NEK11: variants seen among roughly 807,000 people sequenced by gnomAD.
NEK11 encodes the protein serine/threonine-protein kinase Nek11.
Under a neutral mutation model 80.7 loss-of-function variants are expected in NEK11, and 72 were observed. The observed-to-expected ratio is 0.89, with a 90% CI of 0.74 to 1.08. The LOEUF is 1.08. NEK11 is among the 50% of genes least tolerant of loss of function. The probability of loss-of-function intolerance (pLI) is 0.00; values close to 1 mark genes in which losing one functional copy is unlikely to be tolerated. For missense variants in NEK11, 764 were observed against 763.6 expected (o/e 1.00, Z -0.01); for synonymous variants, 251 against 260.7 (o/e 0.96, Z 0.36).
Position 131,273,364 on chromosome 3 carries a change from G to A in NEK11, c.1622-114G>A, listed in dbSNP as rs531686825. ...ATTGAATTCATCTCTAATTAATGTA[G>A]CATTACCATGTGGCAAAGGTGGATT... is the stretch of plus-strand genomic sequence containing the variant. On this transcript the variant is annotated intron_variant, in intron 16 of 17. Transcript: ENST00000383366. 3.5e-4 allele frequency: 237 copies of A among 681,422 alleles called. 5 individuals carry two copies. The Admixed American group carries it at 5.2e-3, about 15-fold the overall frequency. The allele number at this position is 681,422 out of a possible 1,614,324, so 42.2% of individuals were successfully genotyped here.
At chr3:131,089,437 A>T (rs1285696751) in intron 4 of NEK11, among the ~76,000 whole-genome samples, 1 of 151,846 alleles carries the variant, frequency 6.6e-6, no homozygotes, top group African/African-American at 2.4e-5. Flanking sequence ...CTTTTTCATT[A>T]TTTTATTTTG....
At chr3:131,064,490 C>G (rs894821404) in intron 3 of NEK11, among the ~76,000 whole-genome samples, 3 of 151,868 alleles carry the variant, frequency 2.0e-5, no homozygotes, top group African/African-American at 7.3e-5. Flanking sequence ...CTCTGCTGGC[C>G]TCATTTTAAC....
In NEK11 at chr3:131,152,702, A is replaced by T; in HGVS notation, c.869A>T (p.Gln290Leu). ...EILKIPYLDE[Q>L]LQNLMCRYSE... ...TTAAAAATCCCTTACCTTGATGAGC[A>T]GCTACAGGTATTTAAAATGAAAGGG... is the stretch of plus-strand genomic sequence containing the variant. The change falls in exon 9 of 18, where the codon CAG (glutamine) becomes CTG (leucine). Residue 290 changes from glutamine (Q) to leucine (L), a missense_variant. Transcript: ENST00000383366. The T allele has an allele frequency of 6.2e-7, 1 of 1,606,084 alleles. No individual in the cohort carries two copies. Among genetic ancestry groups the T allele is most frequent in the Non-Finnish European group, 8.5e-7 (1 of 1,173,484 alleles).
At chr3:131,107,516 G>A (rs1207262743) in intron 4 of NEK11, among the ~76,000 whole-genome samples, 1 of 152,038 alleles carries the variant, frequency 6.6e-6, no homozygotes, top group Non-Finnish European at 1.5e-5. Flanking sequence ...ATGGCAACAT[G>A]TAGGCAATAG....
chr3:131,308,896 C>T (rs2096749248), intron 17 of NEK11, among the ~76,000 whole-genome samples: 1 of 152,176 alleles, frequency 6.6e-6, no homozygotes, highest in African/African-American at 2.4e-5. Flanking sequence ...CTATCTCAGA[C>T]CACCAGGTAT....
At chr3:131,139,445 G>C (rs1428877131) in intron 7 of NEK11, among the ~76,000 whole-genome samples, 1 of 151,658 alleles carries the variant, frequency 6.6e-6, no homozygotes, top group African/African-American at 2.4e-5. Context: ...TAAAGAGGAA[G>C]TGGAGAAACA....
At chr3:131,345,717 A>C (rs2097352885) in intron 17 of NEK11, among the ~76,000 whole-genome samples, 1 of 152,186 alleles carries the variant, frequency 6.6e-6, no homozygotes, top group Non-Finnish European at 1.5e-5. Context: ...CCACCCCATA[A>C]AGATATCTCC....
At chr3:131,313,197 C>T (rs1013378507) in intron 17 of NEK11, among the ~76,000 whole-genome samples, 2 of 152,130 alleles carry the variant, frequency 1.3e-5, no homozygotes, top group Non-Finnish European at 2.9e-5. Context: ...TGTATATGTA[C>T]CACATTTTCT....
intron 17 of NEK11, among the ~76,000 whole-genome samples, chr3:131,287,643 G>A (rs895142875): frequency 1.3e-5 from 2 of 152,100 alleles, no homozygotes; most frequent in South Asian, 4.2e-4. Flanking sequence ...AATTATAAGA[G>A]TATCTCAGAA....
chr3:131,180,714 C>A (rs908988407), intron 14 of NEK11, among the ~76,000 whole-genome samples: 1 of 152,128 alleles, frequency 6.6e-6, no homozygotes, highest in Non-Finnish European at 1.5e-5. Context: ...TGAGATGAAT[C>A]ATTATATTAT....
chr3:131,217,960 T>G (rs941553259), intron 14 of NEK11, among the ~76,000 whole-genome samples: 3 of 152,196 alleles, frequency 2.0e-5, no homozygotes, highest in African/African-American at 7.2e-5. Context: ...GAAAAAAATT[T>G]AGTCATCTGA....
chr3:131,155,590 T>C (rs2090514877), intron 10 of NEK11, among the ~76,000 whole-genome samples: 1 of 152,228 alleles, frequency 6.6e-6, no homozygotes, highest in South Asian at 2.1e-4. Flanking sequence ...GAACTAAACA[T>C]TGTATTCCCC....
At chr3:131,093,886 A>G (rs946635480) in intron 4 of NEK11, among the ~76,000 whole-genome samples, 3 of 151,580 alleles carry the variant, frequency 2.0e-5, no homozygotes, top group Non-Finnish European at 2.9e-5. Flanking sequence ...TTATCTTGCC[A>G]TATATAAACA....
At chr3:131,086,567 C>G (rs1322765592) in intron 4 of NEK11, among the ~76,000 whole-genome samples, 1 of 152,140 alleles carries the variant, frequency 6.6e-6, no homozygotes, top group Non-Finnish European at 1.5e-5. Context: ...CAGATTGGCT[C>G]CTGTGTCTTT....
intron 14 of NEK11, among the ~76,000 whole-genome samples, chr3:131,179,171 G>A (rs1270902265): frequency 6.6e-6 from 1 of 152,176 alleles, no homozygotes; most frequent in Non-Finnish European, 1.5e-5. Context: ...AGAGGATCAA[G>A]CAATAATACG....
chr3:131,318,848 C>T (rs2096870076), intron 17 of NEK11, among the ~76,000 whole-genome samples: 1 of 151,514 alleles, frequency 6.6e-6, no homozygotes, highest in African/African-American at 2.4e-5. Context: ...ATTTGAATAA[C>T]TTAGGACATT....
At chr3:131,340,092 G>C (rs2097262183) in intron 17 of NEK11, among the ~76,000 whole-genome samples, 1 of 152,184 alleles carries the variant, frequency 6.6e-6, no homozygotes, top group South Asian at 2.1e-4. Context: ...ACAATTGGGG[G>C]AAATCTGAAT....
At chr3:131,149,356 T>C (rs181124890) in intron 7 of NEK11, among the ~76,000 whole-genome samples, 137 of 152,186 alleles carry the variant, frequency 9.0e-4, no homozygotes, top group African/African-American at 3.1e-3. Context: ...TTATTTTCTT[T>C]ATCCAGTCTA....
chr3:131,039,835 A>G (rs2066199482), intron 3 of NEK11, among the ~76,000 whole-genome samples: 1 of 152,226 alleles, frequency 6.6e-6, no homozygotes, highest in African/African-American at 2.4e-5. Flanking sequence ...CATAACATCC[A>G]TGTTTAAATA....
Sources: allele counts gnomAD v4.1 joint callset (sites outside exome capture counted in the v4.1 genomes callset), GRCh38; gene constraint gnomAD v4.1.1; transcripts MANE v1.5; gene names NCBI Gene and HGNC (gene_info 2026-07-23, HGNC 2026-07-21).